Variants in NSMCE2 observed in about 807,000 individuals in gnomAD.
The protein encoded by NSMCE2 is E3 SUMO-protein ligase NSE2.
NSMCE2 carries 24 observed loss-of-function variants against 23.8 expected under a neutral mutation model. That is an observed-to-expected ratio of 1.01 (90% CI 0.73 to 1.42). NSMCE2 has a LOEUF of 1.42. NSMCE2 is among the 40% of genes most tolerant of loss of function. The pLI is 0.00. For synonymous variants in NSMCE2, 92 were observed against 94.1 expected (o/e 0.98, Z 0.13); for missense variants, 284 against 296.5 (o/e 0.96, Z 0.31).
chr8:125,157,513 A>G (rs781706540), intron 4 of NSMCE2, among the ~76,000 whole-genome samples: 6 of 152,210 alleles, frequency 3.9e-5, no homozygotes, highest in Non-Finnish European at 5.9e-5. Context: ...ATTAACTTCT[A>G]TTTCGGTGGT....
chr8:125,340,012 G>GTTTTT (rs752038710), intron 5 of NSMCE2, among the ~76,000 whole-genome samples: 58 of 102,850 alleles, frequency 5.6e-4, no homozygotes, highest in South Asian at 6.4e-4. Context: ...GTTTTTTTTT[G>GTTTTT]TTTTTTTTTT....
At chr8:125,224,794 A>G (rs1343072735) in intron 5 of NSMCE2, among the ~76,000 whole-genome samples, 1 of 152,196 alleles carries the variant, frequency 6.6e-6, no homozygotes, top group Non-Finnish European at 1.5e-5. Flanking sequence ...TGAGGCTCAT[A>G]AGAGGTTGAG....
intron 5 of NSMCE2, among the ~76,000 whole-genome samples, chr8:125,240,207 C>G (rs931170831): frequency 2.2e-4 from 34 of 151,892 alleles, no homozygotes; most frequent in African/African-American, 8.2e-4. Context: ...TCACTTCAAC[C>G]TCCTCCTCCC....
intron 5 of NSMCE2, among the ~76,000 whole-genome samples, chr8:125,320,490 G>A (rs1829409648): frequency 6.6e-6 from 1 of 151,770 alleles, no homozygotes. Context: ...GCAACCAAAG[G>A]GGGAAAAGAA....
At chr8:125,142,498 C>T (rs563480999) in intron 3 of NSMCE2, among the ~76,000 whole-genome samples, 19 of 152,278 alleles carry the variant, frequency 1.2e-4, no homozygotes, top group African/African-American at 4.6e-4. Context: ...GGATTTCTCC[C>T]ATATTCACTG....
chr8:125,271,583 T>G (rs2131088393), intron 5 of NSMCE2, among the ~76,000 whole-genome samples: 2 of 152,298 alleles, frequency 1.3e-5, no homozygotes, highest in Middle Eastern at 6.8e-3. Flanking sequence ...CTGACATGAC[T>G]CCTAGCTGTT....
intron 3 of NSMCE2, among the ~76,000 whole-genome samples, chr8:125,132,483 T>G (rs1819823596): frequency 6.8e-6 from 1 of 147,488 alleles, no homozygotes; most frequent in Non-Finnish European, 1.5e-5. Context: ...AATTTTTAAA[T>G]TAAAAAAAAA....
intron 5 of NSMCE2, among the ~76,000 whole-genome samples, chr8:125,289,267 A>G (rs1294533449): frequency 6.6e-6 from 1 of 152,220 alleles, no homozygotes; most frequent in Non-Finnish European, 1.5e-5. Flanking sequence ...GCAGTTATCC[A>G]AAGTATCACT....
intron 5 of NSMCE2, among the ~76,000 whole-genome samples, chr8:125,268,607 A>G (rs1300223511): frequency 6.6e-6 from 1 of 152,256 alleles, no homozygotes; most frequent in Non-Finnish European, 1.5e-5. Flanking sequence ...TCAGGGCTAA[A>G]AATGAAATAT....
intron 5 of NSMCE2, among the ~76,000 whole-genome samples, chr8:125,319,678 C>G (rs1336317783): frequency 6.6e-6 from 1 of 151,950 alleles, no homozygotes; most frequent in East Asian, 1.9e-4. Context: ...GACTAGTGAA[C>G]TGGACAACAC....
At chr8:125,266,374 G>A (rs1043494824) in intron 5 of NSMCE2, among the ~76,000 whole-genome samples, 4 of 152,206 alleles carry the variant, frequency 2.6e-5, no homozygotes, top group African/African-American at 9.6e-5. Context: ...TATGAATTCA[G>A]TGGCATGTCT....
intron 5 of NSMCE2, among the ~76,000 whole-genome samples, chr8:125,248,761 C>T (rs1371253225): frequency 6.6e-6 from 1 of 152,202 alleles, no homozygotes; most frequent in East Asian, 1.9e-4. Context: ...TATGTATTAC[C>T]TCATGTAGTA....
intron 5 of NSMCE2, among the ~76,000 whole-genome samples, chr8:125,354,541 G>A (rs1056325105): frequency 3.3e-5 from 5 of 152,120 alleles, no homozygotes; most frequent in African/African-American, 4.8e-5. Context: ...GGTCTCAGAC[G>A]TTTGTTTAGC....
chr8:125,270,875 C>G (rs1827151887), intron 5 of NSMCE2: 1 of 151,982 alleles, frequency 6.6e-6, no homozygotes, highest in Non-Finnish European at 1.5e-5. Context: ...GCACGCCAAC[C>G]AGGGCAACAT....
At chr8:125,297,862 A>T (rs1326263026) in intron 5 of NSMCE2, among the ~76,000 whole-genome samples, 1 of 152,014 alleles carries the variant, frequency 6.6e-6, no homozygotes, top group Non-Finnish European at 1.5e-5. Context: ...TACTTTTACA[A>T]TATGCAAAGC....
chr8:125,268,175 G>A (rs933882422), intron 5 of NSMCE2, among the ~76,000 whole-genome samples: 1 of 151,756 alleles, frequency 6.6e-6, no homozygotes, highest in Non-Finnish European at 1.5e-5. Flanking sequence ...TCGAGGCTGC[G>A]GTGAACCATG....
chr8:125,300,598 C>T (rs1311153998), intron 5 of NSMCE2, among the ~76,000 whole-genome samples: 1 of 152,194 alleles, frequency 6.6e-6, no homozygotes, highest in Non-Finnish European at 1.5e-5. Context: ...CTCTTATTCG[C>T]TATGCCATGG....
rs375458842 is a variant in NSMCE2 at position 125,175,980 on chromosome 8, CCTAA to C, written c.265-6120_265-6117del. On this transcript the variant is annotated intron_variant, in intron 4 of 7. Coordinates refer to ENST00000287437, the MANE Select transcript of NSMCE2 (RefSeq NM_173685.4). ...CTATATGGACAGAGCCATTTGGAGC[CCTAA>C]CTTAGTTCCTAACAGTCAACTCATT... Among the ~76,000 whole-genome samples, 680 of 152,176 alleles carry C rather than the reference CCTAA, an allele frequency of 4.5e-3. 5 individuals are homozygous for C. Among genetic ancestry groups the C allele is most frequent in the African/African-American group, 0.016 (647 of 41,500 alleles).
intron 5 of NSMCE2, among the ~76,000 whole-genome samples, chr8:125,308,868 G>A (rs988250450): frequency 6.6e-6 from 1 of 152,166 alleles, no homozygotes; most frequent in East Asian, 1.9e-4. Context: ...ATGAAGAAGT[G>A]CATTTTCCTT....
Sources: gnomAD v4.1 joint callset for allele counts (sites outside exome capture counted in the v4.1 genomes callset) on GRCh38, gnomAD v4.1.1 for gene constraint, MANE v1.5 for transcripts, NCBI Gene and HGNC (gene_info 2026-07-23, HGNC 2026-07-21) for gene names.